The following DENND4C variants were observed in gnomAD, a reference collection of about 807,000 sequenced individuals.
DENND4C encodes DENN domain containing 4C, also known as DENN domain-containing protein 4C.
In DENND4C, 108 loss-of-function variants were observed where a neutral mutation model predicts 203.0. That is an observed-to-expected ratio of 0.53 (90% CI 0.46 to 0.62). The LOEUF (loss-of-function observed/expected upper bound fraction) is 0.62, where lower values mean the gene tolerates loss of function less well. DENND4C is among the 20% of genes least tolerant of loss of function. DENND4C has a pLI of 0.00. For synonymous variants in DENND4C, 871 were observed against 792.4 expected (o/e 1.10, Z -1.67); for missense variants, 2,481 against 2,301.2 (o/e 1.08, Z -1.60).
At chr9:19,285,702 A>T (rs1835067260) in intron 2 of DENND4C, among the ~76,000 whole-genome samples, 1 of 151,790 alleles carries the variant, frequency 6.6e-6, no homozygotes, top group Admixed American at 6.6e-5. Flanking sequence ...TATAGTTCTT[A>T]CATTGATTTT....
intron 23 of DENND4C, among the ~76,000 whole-genome samples, chr9:19,350,267 A>T (rs1823792033): frequency 6.6e-6 from 1 of 152,236 alleles, no homozygotes; most frequent in South Asian, 2.1e-4. Flanking sequence ...TTCAGATTAC[A>T]TAATTAAAAG....
chr9:19,363,226 C>G (rs1373255868), intron 30 of DENND4C, among the ~76,000 whole-genome samples: 1 of 152,078 alleles, frequency 6.6e-6, no homozygotes, highest in South Asian at 2.1e-4. Flanking sequence ...AGGTTAGGGC[C>G]CCACTTGGCC....
intron 1 of DENND4C, among the ~76,000 whole-genome samples, chr9:19,265,667 T>C (rs1450499811): frequency 6.6e-6 from 1 of 152,140 alleles, no homozygotes; most frequent in African/African-American, 2.4e-5. Context: ...AGTGTTCTTA[T>C]TGTTCAATTC....
chr9:19,236,621 C>T (rs1036683108), intron 1 of DENND4C, among the ~76,000 whole-genome samples: 4 of 152,098 alleles, frequency 2.6e-5, no homozygotes, highest in Non-Finnish European at 4.4e-5. Flanking sequence ...TGAGTGAGAC[C>T]GCAGGTTCAT....
intron 10 of DENND4C, among the ~76,000 whole-genome samples, chr9:19,308,446 T>C (rs542878497): frequency 4.3e-4 from 66 of 152,368 alleles, no homozygotes; most frequent in Non-Finnish European, 8.4e-4. Flanking sequence ...CATATCTTTG[T>C]GCCCCTTGGT....
chr9:19,271,754 A>T (rs1403862655), intron 1 of DENND4C, among the ~76,000 whole-genome samples: 1 of 151,586 alleles, frequency 6.6e-6, no homozygotes, highest in Non-Finnish European at 1.5e-5. Context: ...AATCCCAGCT[A>T]CTCGGGAGGC....
chr9:19,322,118 G>T (rs371495792), intron 12 of DENND4C, among the ~76,000 whole-genome samples: 1 of 152,104 alleles, frequency 6.6e-6, no homozygotes, highest in Non-Finnish European at 1.5e-5. Flanking sequence ...AAGGGAGAGC[G>T]CATACAAATT....
At chr9:19,281,049 T>C (rs1833950434) in intron 2 of DENND4C, among the ~76,000 whole-genome samples, 2 of 152,170 alleles carry the variant, frequency 1.3e-5, no homozygotes, top group Non-Finnish European at 2.9e-5. Context: ...CCAGTCGTCT[T>C]TTAGAGTCCA....
At chr9:19,370,046 T>A (rs76997255) in intron 31 of DENND4C, 59 bp downstream of exon 31, 1 of 1,578,328 alleles carries the variant, frequency 6.3e-7, no homozygotes, top group Non-Finnish European at 8.7e-7. Flanking sequence ...TTTAAAAAAA[T>A]ATCTTACTTT....
At chr9:19,328,322 A>G (rs1467185435) in intron 16 of DENND4C, among the ~76,000 whole-genome samples, 160 bp downstream of exon 16, 1 of 152,222 alleles carries the variant, frequency 6.6e-6, no homozygotes, top group Non-Finnish European at 1.5e-5. Context: ...TACTTAAAAT[A>G]TCAAGTCTGG....
Position 19,312,399 on chromosome 9 carries a change from G to A in DENND4C, c.1488-4018G>A, listed in dbSNP as rs1465279513. On this transcript the variant is annotated intron_variant, in intron 10 of 32. Coordinates refer to ENST00000434457, the MANE Select transcript of DENND4C (RefSeq NM_001330640.2). ...ATTAAAGGTGTGAGCCACCATGCCC[G>A]GCTACAAATTATTAAATGAAAAAAA... 2.6e-5 allele frequency among the ~76,000 whole-genome samples: 4 copies of A among 152,086 alleles called. No homozygotes were observed. In the South Asian group the frequency reaches 6.2e-4, roughly 24 times the overall value.
At chr9:19,323,634 A>C (rs1843253035) in intron 12 of DENND4C, among the ~76,000 whole-genome samples, 1 of 152,202 alleles carries the variant, frequency 6.6e-6, no homozygotes, top group African/African-American at 2.4e-5. Context: ...CAGATGCTTG[A>C]AACTTTAATG....
At chr9:19,330,508 T>G (rs1818863664) in intron 16 of DENND4C, among the ~76,000 whole-genome samples, 1 of 151,810 alleles carries the variant, frequency 6.6e-6, no homozygotes, top group East Asian at 2.0e-4. Context: ...CCCAACTAAT[T>G]TTTGTATTTT....
chr9:19,344,093 G>C (rs1588958481), intron 22 of DENND4C, among the ~76,000 whole-genome samples: 1 of 152,168 alleles, frequency 6.6e-6, no homozygotes, highest in African/African-American at 2.4e-5. Context: ...GTACTAACTT[G>C]AAAGATTAAA....
chr9:19,265,479 G>A (rs1830306232), intron 1 of DENND4C, among the ~76,000 whole-genome samples: 2 of 150,762 alleles, frequency 1.3e-5, no homozygotes, highest in Admixed American at 1.3e-4. Flanking sequence ...TATACTTTAA[G>A]TTCTAGGGTA....
chr9:19,242,135 T>A (rs1823907509), intron 1 of DENND4C, among the ~76,000 whole-genome samples: 1 of 152,226 alleles, frequency 6.6e-6, no homozygotes, highest in Non-Finnish European at 1.5e-5. Context: ...TTTCTATAGT[T>A]TTGCCTTTTC....
At position 19,346,804 on chromosome 9, in the gene DENND4C, C is replaced by T. The variant is rs1823000401; in HGVS notation, c.4035C>T (p.Ser1345=). 1 of 1,614,164 alleles carries T rather than the reference C, an allele frequency of 6.2e-7. No homozygotes were observed. Among genetic ancestry groups the T allele is most frequent in the Middle Eastern group, 1.6e-4 (1 of 6,062 alleles). The change falls in exon 23 of 33, where the codon AGC becomes AGT. Residue 1345 remains serine (S), a synonymous_variant. Transcript: ENST00000434457. ...AGGAAAATCCTGAAAGTGAAAAGAGCTCACCTGCAGTGTCCAGGTCTAAAA... is the reference window on the plus strand; with the variant it reads ...AGGAAAATCCTGAAAGTGAAAAGAGTTCACCTGCAGTGTCCAGGTCTAAAA... The part of the protein sequence containing the change: ...PAQENPESEK[S]SPAVSRSKTF...
chr9:19,284,890 T>C (rs553688479), intron 2 of DENND4C, among the ~76,000 whole-genome samples: 2 of 152,252 alleles, frequency 1.3e-5, no homozygotes, highest in Admixed American at 6.5e-5. Flanking sequence ...GTAACGTTTA[T>C]TTTATGTAGT....
intron 2 of DENND4C, among the ~76,000 whole-genome samples, chr9:19,282,905 G>C (rs970481584): frequency 6.6e-6 from 1 of 151,506 alleles, no homozygotes; most frequent in Non-Finnish European, 1.5e-5. Flanking sequence ...TTTCAGTAGA[G>C]ACAGGGTTTC....
Sources: allele counts gnomAD v4.1 joint callset (sites outside exome capture counted in the v4.1 genomes callset), GRCh38; gene constraint gnomAD v4.1.1; transcripts MANE v1.5; gene names NCBI Gene and HGNC (gene_info 2026-07-23, HGNC 2026-07-21).